Variants in UTP20 observed in about 807,000 individuals in gnomAD.
UTP20 encodes UTP20 small subunit processome component.
A neutral mutation model predicts 329.5 loss-of-function variants in UTP20; 164 were observed. The observed-to-expected ratio is 0.50, with a 90% confidence interval of 0.44 to 0.57. The LOEUF is 0.57. Among genes scored for constraint, UTP20 ranks in the 20% least tolerant of loss-of-function variants. UTP20 has a pLI of 0.00. For synonymous variants in UTP20, 1,151 were observed against 1,159.3 expected, an observed-to-expected ratio of 0.99 and a Z score of 0.14; for missense variants, 3,055 against 3,284.2, an observed-to-expected ratio of 0.93 and a Z score of 1.71.
intron 22 of UTP20, 104 bp from the exon 23 acceptor site, chr12:101,319,441 C>T (rs1352624590): frequency 2.1e-5 from 15 of 717,422 alleles, no homozygotes; most frequent in Admixed American, 6.5e-5. Flanking sequence ...AAACTATAGG[C>T]GGGGTGTTTG....
intron 27 of UTP20, among the ~76,000 whole-genome samples, chr12:101,331,385 T>G (rs1471095742): frequency 2.0e-5 from 3 of 152,344 alleles, no homozygotes; most frequent in Non-Finnish European, 1.5e-5. Context: ...ATAATTTTTA[T>G]CTTTCACTAA....
chr12:101,371,231 G>T, intron 51 of UTP20, 63 bp downstream of exon 51: 1 of 1,215,104 alleles, frequency 8.2e-7, no homozygotes, highest in South Asian at 1.5e-5. Context: ...TGTGGCAGAG[G>T]TGTCAACACT....
intron 58 of UTP20, among the ~76,000 whole-genome samples, chr12:101,382,609 T>C (rs903499903): frequency 2.6e-5 from 4 of 151,800 alleles, no homozygotes; most frequent in South Asian, 2.1e-4. Flanking sequence ...TCGCATCACT[T>C]TGGGAAGCTG....
chr12:101,352,068 C>T lies in UTP20; in HGVS notation c.4898C>T (p.Thr1633Ile). 1.2e-6 allele frequency: 2 copies of T among 1,613,514 alleles called. No individual in the cohort carries two copies. Among genetic ancestry groups the T allele is most frequent in the East Asian group, 2.2e-5 (1 of 44,850 alleles). The change falls in exon 39 of 62, where the codon ACC (threonine) becomes ATC (isoleucine). Residue 1633 changes from threonine (T) to isoleucine (I), a missense_variant. Coordinates refer to ENST00000261637, the MANE Select transcript of UTP20 (RefSeq NM_014503.3). Reference protein sequence around the residue: ...DEKMLKHENITTAATEIIGAI... With the variant: ...DEKMLKHENIITAATEIIGAI... ...TTTGTTTTACAGCATGAAAATATAA[C>T]CACTGCTGCCACAGAGATTATTGGA...
At position 101,286,533 on chromosome 12, in the gene UTP20, T is replaced by C. The variant is rs199650841; in HGVS notation, c.515+24T>C. On this transcript the variant is annotated intron_variant, in intron 5 of 61. Coordinates refer to ENST00000261637, the MANE Select transcript of UTP20 (RefSeq NM_014503.3). The stretch of plus-strand genomic sequence containing the variant: ...AGGTAACCCCTTTCTCTCTCTAGTA[T>C]GTTTTTTAATTGCCTGCTTCTTTTT... 287 of 1,501,230 alleles carry C rather than the reference T, an allele frequency of 1.9e-4. 1 individual carries two copies. The African/African-American group carries it at 3.4e-3, about 18-fold the overall frequency. 93.0% of individuals were successfully genotyped at this position (1,501,230 alleles called of 1,614,324 possible).
rs1473726669 is a variant in UTP20 at position 101,386,104 on chromosome 12, A to G, written c.8339A>G (p.Asp2780Gly). The G allele has an allele frequency of 6.2e-7, 1 of 1,606,060 alleles. No individual in the cohort carries two copies. Among genetic ancestry groups the G allele is most frequent in the Non-Finnish European group, 8.5e-7 (1 of 1,178,586 alleles). The part of the protein sequence containing the change: ...AKRQKSHSLK[D>G]LAMVE ...AGACAAAAAAGCCATAGCCTGAAAG[A>G]TTTAGCAATGGTGGAGTAATGTCTC... The change falls in exon 62 of 62, where the codon GAT (aspartate) becomes GGT (glycine). Residue 2780 changes from aspartate (D) to glycine (G), a missense_variant. This residue lies in a region of UTP20 where 337 missense variants were observed against 345.5 expected (regional missense o/e 0.98). Coordinates refer to ENST00000261637, the MANE Select transcript of UTP20 (RefSeq NM_014503.3).
intron 4 of UTP20, 35 bp from the exon 5 acceptor site, chr12:101,286,286 A>G (rs907412738): frequency 5.3e-6 from 8 of 1,518,142 alleles, no homozygotes; most frequent in Admixed American, 4.2e-5. Flanking sequence ...TTTTAAAAAA[A>G]TCCACATGAT....
chr12:101,289,651 TC>T (rs1242152995), intron 6 of UTP20, among the ~76,000 whole-genome samples: 1 of 152,142 alleles, frequency 6.6e-6, no homozygotes, highest in Non-Finnish European at 1.5e-5. Context: ...AAAAATGCTC[TC>T]TAATTCAAGT....
At position 101,286,446 on chromosome 12, in the gene UTP20, C is replaced by T. The variant is rs376796297; in HGVS notation, c.452C>T (p.Ser151Leu). The T allele has an allele frequency of 3.7e-6, 6 of 1,613,706 alleles. No homozygotes were observed. Among genetic ancestry groups the T allele is most frequent in the African/African-American group, 2.7e-5 (2 of 74,846 alleles). ...DTELLEWAFT[S>L]LSYLYKYLWR... ...GAGTTGTTAGAATGGGCTTTCACCT[C>T]GTTATCATATCTTTATAAGTACCTG... is the stretch of plus-strand genomic sequence containing the variant. Residue 151 changes from serine to leucine, a missense_variant, in exon 5 of 62, where the codon TCG becomes TTG. Physicochemically the swap from Ser to Leu is moderately radical, Grantham distance 145. Transcript: ENST00000261637.
intron 35 of UTP20, among the ~76,000 whole-genome samples, chr12:101,343,471 A>G (rs1462206060): frequency 2.6e-5 from 4 of 152,156 alleles, no homozygotes; most frequent in African/African-American, 9.7e-5. Flanking sequence ...ATTAGTGGTG[A>G]TGATCACACA....
intron 60 of UTP20, 79 bp from the exon 61 acceptor site, chr12:101,385,504 T>C: frequency 6.7e-7 from 1 of 1,490,238 alleles, no homozygotes; most frequent in Non-Finnish European, 9.0e-7. Flanking sequence ...ATAAATGTTG[T>C]ACATATTGTT....
In UTP20 at chr12:101,362,032, T is replaced by G. The variant is rs950096600; in HGVS notation, c.5762T>G (p.Leu1921Trp). The G allele has an allele frequency of 1.2e-6, 2 of 1,613,472 alleles. No homozygotes were observed. Among genetic ancestry groups the G allele is most frequent in the African/African-American group, 2.7e-5 (2 of 74,898 alleles). ...GLTNKLQVGD[L>W]DSCLDIMIEI... ...ACCAATAAGCTGCAGGTCGGAGATT[T>G]GGACTCTTGTTTAGATATAATGATT... Residue 1921 changes from leucine to tryptophan, a missense_variant, in exon 44 of 62, where the codon TTG becomes TGG. Physicochemically the swap from Leu to Trp is moderately conservative, Grantham distance 61. Transcript: ENST00000261637.
intron 57 of UTP20, among the ~76,000 whole-genome samples, chr12:101,380,057 A>T (rs1486917199): frequency 6.6e-6 from 1 of 152,150 alleles, no homozygotes; most frequent in African/African-American, 2.4e-5. Flanking sequence ...CTTGTTGATG[A>T]TGTAAATGAG....
intron 17 of UTP20, 73 bp from the exon 18 acceptor site, chr12:101,308,112 G>T: frequency 1.5e-6 from 2 of 1,320,590 alleles, no homozygotes; most frequent in South Asian, 2.1e-5. Flanking sequence ...TAGACCTTTG[G>T]TCACATTTAA....
chr12:101,360,051 G>T (rs188746679), intron 43 of UTP20, among the ~76,000 whole-genome samples: 1 of 152,196 alleles, frequency 6.6e-6, no homozygotes, highest in Non-Finnish European at 1.5e-5. Context: ...AACACTTGAG[G>T]TGTTTAAATG....
chr12:101,295,742 T>A (rs1872325592), intron 12 of UTP20, 84 bp downstream of exon 12: 8 of 1,377,432 alleles, frequency 5.8e-6, no homozygotes, highest in Non-Finnish European at 7.7e-6. Flanking sequence ...AAAAAAATGA[T>A]CTATATGTAA....
chr12:101,308,178 T>C lies in UTP20; in HGVS notation c.1996-7T>C. The C allele has an allele frequency of 6.3e-7, 1 of 1,596,638 alleles. No homozygotes were observed. ...GGTCTTCTCCATGGTTTTCTCTGGT[T>C]ATTCAGGATGATGGGCTCTCAGAGC... On this transcript the variant is annotated splice_region_variant and splice_polypyrimidine_tract_variant and intron_variant, in intron 17 of 61. Coordinates refer to ENST00000261637, the MANE Select transcript of UTP20 (RefSeq NM_014503.3).
intron 25 of UTP20, 87 bp from the exon 26 acceptor site, chr12:101,326,994 A>C: frequency 7.7e-7 from 1 of 1,293,032 alleles, no homozygotes; most frequent in Non-Finnish European, 1.1e-6. Flanking sequence ...AAATCTATTG[A>C]GTTGCTCTTC....
At chr12:101,342,306 A>G (rs749172810) in intron 32 of UTP20, 140 bp from the exon 33 acceptor site, 9 of 683,866 alleles carry the variant, frequency 1.3e-5, no homozygotes, top group Non-Finnish European at 2.0e-5. Context: ...AAAAACTTTT[A>G]AAAGACGATA....
Sources: allele counts gnomAD v4.1 joint callset (sites outside exome capture counted in the v4.1 genomes callset), GRCh38; gene constraint gnomAD v4.1.1; regional missense constraint gnomAD v4.1.1; transcripts MANE v1.5; gene names NCBI Gene and HGNC (gene_info 2026-07-23, HGNC 2026-07-21).